Variants in ASPM observed in about 807,000 individuals in gnomAD.
ASPM encodes assembly factor for spindle microtubules, also known as abnormal spindle-like microcephaly-associated protein.
Under a neutral mutation model 366.4 loss-of-function variants are expected in ASPM, and 256 were observed. The observed-to-expected ratio is 0.70, with a 90% CI of 0.63 to 0.77. The LOEUF is 0.77. Among genes scored for constraint, ASPM ranks in the 30% least tolerant of loss-of-function variants. The probability of loss-of-function intolerance (pLI) is 0.00; values close to 1 mark genes in which losing one functional copy is unlikely to be tolerated. For missense variants in ASPM, 4,146 were observed against 4,090.4 expected (o/e 1.01, Z -0.37); for synonymous variants, 1,414 against 1,342.9 (o/e 1.05, Z -1.16).
rs1029848317 is a variant in ASPM at position 197,084,203 on chromosome 1, TG to T, written c.*120del. On this transcript the variant is annotated 3_prime_UTR_variant, in exon 28 of 28. Coordinates refer to ENST00000367409, the MANE Select transcript of ASPM (RefSeq NM_018136.5). ...AATGAAGAATGTAATGAACAGTTTA[TG>T]TTTTTTTAAAACAAAGTCAGATTTT... 5.2e-5 allele frequency: 37 copies of T among 713,954 alleles called. No individual in the cohort carries two copies. Among genetic ancestry groups the T allele is most frequent in the African/African-American group, 4.1e-4 (23 of 56,134 alleles). The allele number at this position is 713,954 out of a possible 1,614,324, so 44.2% of individuals were successfully genotyped here.
At position 197,101,563 on chromosome 1, in the gene ASPM, G is replaced by C. The variant is rs1310597129; in HGVS notation, c.7688C>G (p.Thr2563Ser). The change falls in exon 18 of 28, where the codon ACC becomes AGC. Residue 2563 changes from threonine (T) to serine (S), a missense_variant. Thr to Ser is a moderately conservative substitution (Grantham distance 58). Transcript: ENST00000367409. ...ACAATACTGCCTATACATTCTGTAG[G>C]TGCTTTGTATTACGATAGAAGCTTT... is the stretch of plus-strand genomic sequence containing the variant. ...KHKASIVIQS[T>S]YRMYRQYCFY... 33 of 1,609,382 alleles carry C rather than the reference G, an allele frequency of 2.1e-5. No homozygotes were observed. The highest frequency in any genetic ancestry group is 2.7e-5 in the Non-Finnish European group (32 of 1,178,982).
intron 17 of ASPM, among the ~76,000 whole-genome samples, chr1:197,109,241 C>T (rs1299277066): frequency 4.0e-5 from 6 of 151,740 alleles, no homozygotes; most frequent in African/African-American, 7.3e-5. Context: ...CATAAAAGAA[C>T]GCTGAAACTT....
At chr1:197,093,683 C>T (rs956368352) in intron 20 of ASPM, among the ~76,000 whole-genome samples, 1 of 151,650 alleles carries the variant, frequency 6.6e-6, no homozygotes, top group Non-Finnish European at 1.5e-5. Context: ...TCCTCAATTA[C>T]GTAACAACCT....
At chr1:197,113,740 A>G (rs1022981647) in intron 17 of ASPM, among the ~76,000 whole-genome samples, 1 of 152,194 alleles carries the variant, frequency 6.6e-6, no homozygotes, top group Non-Finnish European at 1.5e-5. Flanking sequence ...ATAGAGGCCT[A>G]ATAACAATCA....
chr1:197,101,489 T>C lies in ASPM; in HGVS notation c.7762A>G (p.Arg2588Gly). Residue 2588 changes from arginine to glycine, a missense_variant, in exon 18 of 28, where the codon AGA becomes GGA. Arg to Gly is a moderately radical substitution (Grantham distance 125, BLOSUM62 -2). Around this residue, in one of 3 missense-constraint regions of ASPM, gnomAD observed 3,624 missense variants for 3,591.7 expected, o/e 1.01. Transcript: ENST00000367409. ...ACTTTCTGTTTCTTTTTATTTGCTC[T>C]ATATTTTTCTTGTATGATTTTTGTA... ...WATKIIQEKY[R>G]ANKKKQKVFQ... The C allele has an allele frequency of 6.2e-7, 1 of 1,609,616 alleles. No individual in the cohort carries two copies. Among genetic ancestry groups the C allele is most frequent in the Non-Finnish European group, 8.5e-7 (1 of 1,179,052 alleles).
At chr1:197,121,014 G>A (rs184399481) in intron 16 of ASPM, among the ~76,000 whole-genome samples, 1 of 152,258 alleles carries the variant, frequency 6.6e-6, no homozygotes, top group Admixed American at 6.5e-5. Flanking sequence ...GTTTTACACA[G>A]CTACCAAGAA....
Position 197,122,454 on chromosome 1 carries a change from C to T in ASPM, c.3532G>A (p.Val1178Ile). ...TVECTQTGSVVLNSSSESDDS... is the reference protein window; with the variant it reads ...TVECTQTGSVILNSSSESDDS... ...TCAGATTCAGATGATGAATTTAATA[C>T]CACTGAACCAGTTTGCGTACATTCC... The change falls in exon 14 of 28, where the codon GTA (valine) becomes ATA (isoleucine). Residue 1178 changes from valine to isoleucine, a missense_variant. This residue lies in a region of ASPM where 3,624 missense variants were observed against 3,591.7 expected (regional missense o/e 1.01). Coordinates refer to ENST00000367409, the MANE Select transcript of ASPM (RefSeq NM_018136.5). 1.2e-6 allele frequency: 2 copies of T among 1,613,826 alleles called. No homozygotes were observed. Among genetic ancestry groups the T allele is most frequent in the Non-Finnish European group, 1.7e-6 (2 of 1,179,826 alleles).
chr1:197,085,410 A>T (rs1187360818), intron 27 of ASPM, among the ~76,000 whole-genome samples: 1 of 152,128 alleles, frequency 6.6e-6, no homozygotes, highest in Non-Finnish European at 1.5e-5. Context: ...TTATTGAGAA[A>T]ATAGTATCAA....
At chr1:197,133,304 G>C (rs1557960851) in intron 6 of ASPM, 46 bp downstream of exon 6, 1 of 1,569,202 alleles carries the variant, frequency 6.4e-7, no homozygotes, top group East Asian at 2.2e-5. Flanking sequence ...AAAATCTCTT[G>C]AATGTTTTTA....
chr1:197,133,756 T>C (rs1658337506), intron 5 of ASPM, among the ~76,000 whole-genome samples, 161 bp from the exon 6 acceptor site: 1 of 152,198 alleles, frequency 6.6e-6, no homozygotes. Flanking sequence ...ACCTGTTAGC[T>C]CTACCTGCAA....
chr1:197,089,535 G>A (rs1042015074), intron 25 of ASPM, among the ~76,000 whole-genome samples: 2 of 151,828 alleles, frequency 1.3e-5, no homozygotes, highest in African/African-American at 4.8e-5. Context: ...TCACACTCAG[G>A]TTCTTACAGG....
At chr1:197,084,685 C>G (rs1656532930) in intron 27 of ASPM, among the ~76,000 whole-genome samples, 1 of 152,148 alleles carries the variant, frequency 6.6e-6, no homozygotes, top group Non-Finnish European at 1.5e-5. Flanking sequence ...GGTCATCAGC[C>G]AAACTCTCAG....
In ASPM at chr1:197,124,883, G is replaced by A. The variant is rs550484483; in HGVS notation, c.3155C>T (p.Ala1052Val). Residue 1052 changes from alanine (A) to valine (V), a missense_variant, in exon 12 of 28, where the codon GCG (alanine) becomes GTG (valine). Ala to Val is a moderately conservative substitution (Grantham distance 64, BLOSUM62 0). Transcript: ENST00000367409. ...AATGTATAATACCTGAAAAGCAAAC[G>A]CTATTTTCCAAAGCAACCTGAGAGT... ...EKTLRLLWKIAFAFQVDISLN... is the reference protein window; with the variant it reads ...EKTLRLLWKIVFAFQVDISLN... 6.2e-6 allele frequency: 10 copies of A among 1,604,806 alleles called. No individual in the cohort carries two copies. The highest frequency in any genetic ancestry group is 3.3e-5 in the South Asian group (3 of 90,852).
At chr1:197,111,149 A>T (rs999280358) in intron 17 of ASPM, among the ~76,000 whole-genome samples, 1 of 152,126 alleles carries the variant, frequency 6.6e-6, no homozygotes, top group Non-Finnish European at 1.5e-5. Flanking sequence ...GAATAAACAG[A>T]CAACCTACAG....
chr1:197,141,778 C>A (rs1016315826), intron 3 of ASPM, among the ~76,000 whole-genome samples: 1 of 152,088 alleles, frequency 6.6e-6, no homozygotes, highest in Non-Finnish European at 1.5e-5. Context: ...TAGAAAAATG[C>A]ACATCACATA....
intron 17 of ASPM, among the ~76,000 whole-genome samples, chr1:197,107,295 C>T (rs1657442167): frequency 6.6e-6 from 1 of 152,080 alleles, no homozygotes; most frequent in African/African-American, 2.4e-5. Context: ...AGACTGGCTA[C>T]TGGGTGTTAC....
chr1:197,102,139 T>C lies in ASPM; in HGVS notation c.7112A>G (p.Asn2371Ser), dbSNP rs533648708. ...CTGCCTCTGCAGTTTTGCAGCTCTA[T>C]TTGCTTGGTATTGCTGTTGGATCAC... ...SVVIQQQYQA[N>S]RAAKLQRQHY... The change falls in exon 18 of 28, where the codon AAT (asparagine) becomes AGT (serine). Residue 2371 changes from asparagine (N) to serine (S), a missense_variant. Transcript: ENST00000367409. The C allele has an allele frequency of 1.2e-6, 2 of 1,612,964 alleles. No homozygotes were observed. The highest frequency in any genetic ancestry group is 2.2e-5 in the East Asian group (1 of 44,832).
chr1:197,112,732 T>C (rs559403368), intron 17 of ASPM, among the ~76,000 whole-genome samples: 2 of 152,240 alleles, frequency 1.3e-5, no homozygotes, highest in South Asian at 4.1e-4. Context: ...TCTCAAGTTA[T>C]CCTGACTTTC....
At position 197,101,982 on chromosome 1, in the gene ASPM, C is replaced by T. The variant is rs766548630; in HGVS notation, c.7269G>A (p.Val2423=). Residue 2423 remains valine, a synonymous_variant, in exon 18 of 28, where the codon GTG becomes GTA. Transcript: ENST00000367409. ...LIQSRFRSLL[V]RRRFISLKKA... is the part of the protein sequence containing the mutation. ...TTTTGAGGGAAATGAATCTTCTCCT[C>T]ACCAGTAATGATCTAAACCTACTCT... 1.7e-5 allele frequency: 27 copies of T among 1,612,826 alleles called. No individual in the cohort carries two copies. The highest frequency in any genetic ancestry group is 2.2e-5 in the Non-Finnish European group (26 of 1,179,296).
Sources: allele counts gnomAD v4.1 joint callset (sites outside exome capture counted in the v4.1 genomes callset), GRCh38; gene constraint gnomAD v4.1.1; regional missense constraint gnomAD v4.1.1; transcripts MANE v1.5; gene names NCBI Gene and HGNC (gene_info 2026-07-23, HGNC 2026-07-21).